The following SGCZ variants were observed in gnomAD, a reference collection of about 807,000 sequenced individuals.
The protein encoded by SGCZ is zeta-sarcoglycan.
SGCZ carries 40 observed loss-of-function variants against 41.3 expected under a neutral mutation model. The ratio of observed to expected loss-of-function variants is 0.97; its 90% CI spans 0.75 to 1.26. SGCZ has a LOEUF of 1.26. Among genes scored for constraint, SGCZ ranks in the 50% most tolerant of loss-of-function variants. SGCZ has a pLI of 0.00. For missense variants in SGCZ, 552 were observed against 369.8 expected (o/e 1.49, Z -4.04); for synonymous variants, 206 against 137.5 (o/e 1.50, Z -3.49).
chr8:14,278,573 A>G (rs1471519345), intron 3 of SGCZ, among the ~76,000 whole-genome samples: 1 of 152,162 alleles, frequency 6.6e-6, no homozygotes, highest in East Asian at 1.9e-4. Context: ...ATAGTATTAA[A>G]AGAAGATAAA....
intron 3 of SGCZ, among the ~76,000 whole-genome samples, chr8:14,270,302 T>C (rs1800015250): frequency 6.6e-6 from 1 of 151,990 alleles, no homozygotes; most frequent in Non-Finnish European, 1.5e-5. Context: ...ACTGCACTCC[T>C]GCCTGGGTAA....
chr8:14,707,051 A>T (rs888315936), intron 1 of SGCZ, among the ~76,000 whole-genome samples: 1 of 149,798 alleles, frequency 6.7e-6, no homozygotes, highest in Non-Finnish European at 1.5e-5. Context: ...TATTATTATT[A>T]TACTTTAAGT....
intron 1 of SGCZ, among the ~76,000 whole-genome samples, chr8:14,801,941 G>C (rs1484783490): frequency 6.6e-6 from 1 of 152,216 alleles, no homozygotes; most frequent in African/African-American, 2.4e-5. Context: ...ATGGAAAGCA[G>C]TCCAAATATG....
chr8:14,328,071 T>C (rs1324172543), intron 2 of SGCZ, among the ~76,000 whole-genome samples: 4 of 152,186 alleles, frequency 2.6e-5, no homozygotes, highest in Admixed American at 6.5e-5. Flanking sequence ...TCCTGTCTTG[T>C]ATGAAAAAAC....
chr8:14,369,409 G>A (rs73664325), intron 2 of SGCZ, among the ~76,000 whole-genome samples: 1 of 151,612 alleles, frequency 6.6e-6, no homozygotes, highest in Admixed American at 6.6e-5. Context: ...GCTTTTTTTG[G>A]TCTTTATCAG....
At chr8:14,924,966 T>C (rs1585383675) in intron 1 of SGCZ, among the ~76,000 whole-genome samples, 1 of 152,062 alleles carries the variant, frequency 6.6e-6, no homozygotes, top group African/African-American at 2.4e-5. Context: ...CAAGCGATTC[T>C]TGTGCCTCAG....
intron 4 of SGCZ, among the ~76,000 whole-genome samples, chr8:14,173,619 G>T (rs1585200836): frequency 6.6e-6 from 1 of 152,072 alleles, no homozygotes. Flanking sequence ...CAACGTCCAT[G>T]AGCCTGTGAA....
At chr8:14,186,532 A>C (rs986182129) in intron 4 of SGCZ, among the ~76,000 whole-genome samples, 1 of 152,168 alleles carries the variant, frequency 6.6e-6, no homozygotes, top group African/African-American at 2.4e-5. Flanking sequence ...TAGGCTAGAC[A>C]AGAAGACTAA....
At chr8:15,104,336 T>G (rs1806733659) in intron 1 of SGCZ, among the ~76,000 whole-genome samples, 1 of 152,112 alleles carries the variant, frequency 6.6e-6, no homozygotes, top group African/African-American at 2.4e-5. Context: ...TGCAAAGCAT[T>G]AGATAAAAGC....
chr8:15,168,985 T>A (rs1799748992), intron 1 of SGCZ, among the ~76,000 whole-genome samples: 1 of 152,178 alleles, frequency 6.6e-6, no homozygotes. Flanking sequence ...GGCCTGGGAA[T>A]TTATGAGCTG....
intron 1 of SGCZ, among the ~76,000 whole-genome samples, chr8:15,021,954 C>A (rs767171786): frequency 5.3e-5 from 8 of 152,162 alleles, no homozygotes; most frequent in Non-Finnish European, 1.0e-4. Context: ...ATCCTGATGA[C>A]CCAATTTTAT....
At chr8:14,254,705 T>C (rs1269779429) in intron 3 of SGCZ, among the ~76,000 whole-genome samples, 18 of 152,190 alleles carry the variant, frequency 1.2e-4, no homozygotes, top group Non-Finnish European at 1.6e-4. Flanking sequence ...GTGAAATGAA[T>C]ATGCATACTT....
At position 14,219,291 on chromosome 8, in the gene SGCZ, G is replaced by A. The variant is rs554990087; in HGVS notation, c.424+18301C>T. On this transcript the variant is annotated intron_variant, in intron 4 of 7. Transcript: ENST00000382080. Reference sequence around the variant, plus strand: ...GTCTGCTGCCTGTCGGATCTACTACGGCTTTTTCAATCCCGCTTAAACCAC... The same window carrying A: ...GTCTGCTGCCTGTCGGATCTACTACAGCTTTTTCAATCCCGCTTAAACCAC... Among the ~76,000 whole-genome samples the A allele has an allele frequency of 2.0e-4, 30 of 152,238 alleles. No individual in the cohort carries two copies. The South Asian group carries it at 5.6e-3, about 28-fold the overall frequency.
chr8:14,283,202 TA>T (rs1166269635), intron 3 of SGCZ, among the ~76,000 whole-genome samples: 1 of 152,104 alleles, frequency 6.6e-6, no homozygotes, highest in Non-Finnish European at 1.5e-5. Context: ...ATTAAAAAAA[TA>T]CCAATCTTAA....
intron 1 of SGCZ, among the ~76,000 whole-genome samples, chr8:14,624,555 A>ATTATTATTTTTTTT (rs1438250019): frequency 3.1e-4 from 30 of 96,254 alleles, no homozygotes; most frequent in Non-Finnish European, 4.9e-4. Context: ...TATTATTATT[A>ATTATTATTTTTTTT]TTTTTTTTTT....
At chr8:14,937,744 A>G (rs1196479655) in intron 1 of SGCZ, among the ~76,000 whole-genome samples, 3 of 152,060 alleles carry the variant, frequency 2.0e-5, no homozygotes, top group Admixed American at 6.6e-5. Context: ...TTTTTTTGTC[A>G]AATACATATT....
chr8:15,118,343 C>T (rs1230546951), intron 1 of SGCZ, among the ~76,000 whole-genome samples: 1 of 152,080 alleles, frequency 6.6e-6, no homozygotes, highest in African/African-American at 2.4e-5. Flanking sequence ...TCCAGCTAGT[C>T]CTTGGCTAAC....
intron 1 of SGCZ, among the ~76,000 whole-genome samples, chr8:14,819,077 AG>A (rs941688544): frequency 5.9e-5 from 9 of 152,102 alleles, no homozygotes; most frequent in Non-Finnish European, 1.3e-4. Flanking sequence ...TCAACCCAAA[AG>A]AACCTTCCAA....
chr8:14,947,406 C>T (rs10096700), intron 1 of SGCZ, among the ~76,000 whole-genome samples: 10,121 of 151,916 alleles, frequency 0.067, 540 homozygotes, highest in African/African-American at 0.14. Context: ...TTTATTTGTC[C>T]CCTTATAACT....
Sources: allele counts gnomAD v4.1 joint callset (sites outside exome capture counted in the v4.1 genomes callset), GRCh38; gene constraint gnomAD v4.1.1; transcripts MANE v1.5; gene names NCBI Gene and HGNC (gene_info 2026-07-23, HGNC 2026-07-21).